The following CDH12 variants were observed in gnomAD, a reference collection of about 807,000 sequenced individuals.
CDH12 encodes the protein cadherin-12.
CDH12 carries 41 observed loss-of-function variants against 74.1 expected under a neutral mutation model. The observed-to-expected ratio is 0.55, with a 90% CI of 0.43 to 0.72. The LOEUF is 0.72. Among genes scored for constraint, CDH12 ranks in the 30% least tolerant of loss-of-function variants. The probability of loss-of-function intolerance (pLI) is 0.00; values close to 1 mark genes in which losing one functional copy is unlikely to be tolerated. For synonymous variants in CDH12, 399 were observed against 355.0 expected, an observed-to-expected ratio of 1.12 and a Z score of -1.39; for missense variants, 945 against 977.2, an observed-to-expected ratio of 0.97 and a Z score of 0.44.
intron 6 of CDH12, among the ~76,000 whole-genome samples, chr5:21,924,043 T>A (rs1754476787): frequency 6.6e-6 from 1 of 152,218 alleles, no homozygotes; most frequent in Non-Finnish European, 1.5e-5. Flanking sequence ...GGTACTAATT[T>A]AGTTTTTCCA....
chr5:22,557,869 TAAC>T (rs1209562549), intron 1 of CDH12, among the ~76,000 whole-genome samples: 3 of 152,136 alleles, frequency 2.0e-5, no homozygotes, highest in Non-Finnish European at 4.4e-5. Context: ...ACTTACTTGG[TAAC>T]AACTTGTGAA....
chr5:22,826,345 A>C (rs907472324), intron 1 of CDH12, among the ~76,000 whole-genome samples: 1 of 152,124 alleles, frequency 6.6e-6, no homozygotes, highest in Non-Finnish European at 1.5e-5. Context: ...TGACTTCTCC[A>C]TTAAAGCTCT....
chr5:21,840,549 C>T (rs1051949399), intron 8 of CDH12, among the ~76,000 whole-genome samples: 13 of 151,708 alleles, frequency 8.6e-5, no homozygotes, highest in African/African-American at 2.9e-4. Flanking sequence ...CATCGCCAAG[C>T]CAATCCTAAG....
intron 1 of CDH12, among the ~76,000 whole-genome samples, chr5:22,689,554 G>C (rs1348789756): frequency 6.6e-6 from 1 of 151,966 alleles, no homozygotes; most frequent in African/African-American, 2.4e-5. Flanking sequence ...CTAGGAAGTT[G>C]ACCCATATTT....
chr5:22,013,892 A>G (rs903405084), intron 5 of CDH12, among the ~76,000 whole-genome samples: 2 of 152,158 alleles, frequency 1.3e-5, no homozygotes, highest in Admixed American at 6.6e-5. Flanking sequence ...AAGAAAAGAA[A>G]AGGGATTCTA....
intron 1 of CDH12, among the ~76,000 whole-genome samples, chr5:22,769,722 A>C (rs1448865959): frequency 3.3e-5 from 5 of 152,072 alleles, no homozygotes; most frequent in Non-Finnish European, 7.4e-5. Flanking sequence ...CTGCAAATGA[A>C]GAGACTTGGG....
intron 4 of CDH12, among the ~76,000 whole-genome samples, chr5:22,160,016 T>C (rs190673381): frequency 6.1e-4 from 93 of 152,262 alleles, no homozygotes; most frequent in Middle Eastern, 6.8e-3. Context: ...AAATAAAATA[T>C]GTACCAGGCC....
chr5:22,683,344 C>T (rs976092178), intron 1 of CDH12, among the ~76,000 whole-genome samples: 4 of 151,950 alleles, frequency 2.6e-5, no homozygotes, highest in Admixed American at 1.3e-4. Flanking sequence ...TCAGTCCTCA[C>T]CGGAGGAGAT....
At chr5:22,521,770 G>A (rs1166389022) in intron 1 of CDH12, among the ~76,000 whole-genome samples, 3 of 152,162 alleles carry the variant, frequency 2.0e-5, no homozygotes, top group African/African-American at 4.8e-5. Context: ...ACGTGGATGA[G>A]TTCCAGTGAA....
At chr5:22,131,972 AAG>A (rs1451457327) in intron 4 of CDH12, among the ~76,000 whole-genome samples, 2 of 152,126 alleles carry the variant, frequency 1.3e-5, no homozygotes, top group African/African-American at 2.4e-5. Flanking sequence ...AGGAAAACTT[AAG>A]TTCTTCCTTA....
intron 3 of CDH12, among the ~76,000 whole-genome samples, chr5:22,257,951 A>C (rs1400686684): frequency 6.6e-6 from 1 of 152,152 alleles, no homozygotes; most frequent in Non-Finnish European, 1.5e-5. Flanking sequence ...TTAAAAAATA[A>C]AACACTTTAT....
intron 4 of CDH12, among the ~76,000 whole-genome samples, chr5:22,110,379 G>A (rs1013795039): frequency 3.9e-5 from 6 of 151,974 alleles, no homozygotes; most frequent in African/African-American, 1.4e-4. Flanking sequence ...ATAGACATGA[G>A]GCCAGGTACG....
chr5:22,193,583 T>C (rs549270890), intron 4 of CDH12, among the ~76,000 whole-genome samples: 1 of 152,316 alleles, frequency 6.6e-6, no homozygotes, highest in African/African-American at 2.4e-5. Flanking sequence ...TTGTGTGTTA[T>C]TATCAGAAAT....
chr5:22,058,489 A>G (rs1425773010), intron 5 of CDH12, among the ~76,000 whole-genome samples: 1 of 152,120 alleles, frequency 6.6e-6, no homozygotes, highest in African/African-American at 2.4e-5. Context: ...AAATATATTG[A>G]AAATTTTTTG....
At chr5:22,211,954 T>TA (rs941000601) in intron 4 of CDH12, among the ~76,000 whole-genome samples, 9 of 152,186 alleles carry the variant, frequency 5.9e-5, no homozygotes, top group African/African-American at 2.2e-4. Context: ...TCATTTTTCT[T>TA]AATACTTGCA....
intron 1 of CDH12, among the ~76,000 whole-genome samples, chr5:22,730,414 A>G (rs528001368): frequency 6.6e-6 from 1 of 151,996 alleles, no homozygotes; most frequent in Admixed American, 6.6e-5. Context: ...TTCAAAAAAT[A>G]TCTCAGCAGT....
chr5:22,645,746 C>T (rs757947593), intron 1 of CDH12, among the ~76,000 whole-genome samples: 17 of 151,912 alleles, frequency 1.1e-4, no homozygotes, highest in Non-Finnish European at 2.2e-4. Context: ...ATTGCCACAG[C>T]CAGCTTTCAG....
chr5:22,703,284 T>C (rs1342175671), intron 1 of CDH12, among the ~76,000 whole-genome samples: 2 of 152,130 alleles, frequency 1.3e-5, no homozygotes, highest in Admixed American at 1.3e-4. Flanking sequence ...CACATCATGC[T>C]TATTTATCTA....
chr5:22,514,958 A>C (rs148693724), intron 1 of CDH12, among the ~76,000 whole-genome samples: 1 of 152,294 alleles, frequency 6.6e-6, no homozygotes, highest in Non-Finnish European at 1.5e-5. Context: ...AAAGATATGC[A>C]ATTAATAAGA....
Sources: allele counts gnomAD v4.1 joint callset (sites outside exome capture counted in the v4.1 genomes callset), GRCh38; gene constraint gnomAD v4.1.1; transcripts MANE v1.5; gene names NCBI Gene and HGNC (gene_info 2026-07-23, HGNC 2026-07-21).